Variants in VAV1 observed in about 807,000 individuals in gnomAD.
The protein encoded by VAV1 is vav guanine nucleotide exchange factor 1, also known as proto-oncogene vav.
Under a neutral mutation model 128.1 loss-of-function variants are expected in VAV1, and 33 were observed. The ratio of observed to expected loss-of-function variants is 0.26; its 90% CI spans 0.20 to 0.34. The LOEUF (loss-of-function observed/expected upper bound fraction) is 0.34, where lower values mean the gene tolerates loss of function less well. VAV1 is among the 10% of genes least tolerant of loss of function. VAV1 has a pLI of 1.00. For synonymous variants in VAV1, 394 were observed against 409.8 expected (o/e 0.96, Z 0.47); for missense variants, 715 against 1,093.7 (o/e 0.65, Z 4.88).
At position 6,777,638 on chromosome 19, in the gene VAV1, T is replaced by C. The variant is rs936109788; in HGVS notation, c.204+4627T>C. On this transcript the variant is annotated intron_variant, in intron 1 of 26. Coordinates refer to ENST00000602142, the MANE Select transcript of VAV1 (RefSeq NM_005428.4). This position sits in a 1 kb window ranked among gnomAD's most constrained non-coding sequence, Gnocchi z 4.4. ...CCTGAGGTAGGAGCCAGTCAGTGCC[T>C]GTATGTTCAGGGCAGTGACTGGCCC... 1.4e-4 allele frequency among the ~76,000 whole-genome samples: 21 copies of C among 152,060 alleles called. No individual in the cohort carries two copies. Among genetic ancestry groups the C allele is most frequent in the African/African-American group, 4.8e-4 (20 of 41,394 alleles).
chr19:6,852,972 TGGA>T lies in VAV1; in HGVS notation c.2227_2229del (p.Glu743del). On this transcript the variant is annotated inframe_deletion, in exon 25 of 27. Transcript: ENST00000602142. ...ATGTGGTCCGCCTTCTAGGAGCTGG[TGGA>T]GTTTTACCAGCAGAACTCTCTAAAG... 1 of 1,609,102 alleles carries T rather than the reference TGGA, an allele frequency of 6.2e-7. No homozygotes were observed. Among genetic ancestry groups the T allele is most frequent in the Non-Finnish European group, 8.5e-7 (1 of 1,176,840 alleles).
Position 6,848,118 on chromosome 19 carries a change from A to C in VAV1, c.2129+4A>C. ...CAGAATTTGCCATCAGCATTAAGTA[A>C]CTCCTTTCTCCCTGACTCATACCCT... On this transcript the variant is annotated splice_donor_region_variant and intron_variant, in intron 23 of 26. Coordinates refer to ENST00000602142, the MANE Select transcript of VAV1 (RefSeq NM_005428.4). 1 of 1,542,606 alleles carries C rather than the reference A, an allele frequency of 6.5e-7. No homozygotes were observed. The highest frequency in any genetic ancestry group is 2.6e-5 in the East Asian group (1 of 38,114).
intron 1 of VAV1, among the ~76,000 whole-genome samples, chr19:6,809,575 A>G (rs1971471920): frequency 3.9e-5 from 6 of 152,184 alleles, no homozygotes. Flanking sequence ...TAGAGTCATC[A>G]GAGAAGTCAG....
At chr19:6,839,295 C>A (rs780827407) in intron 21 of VAV1, among the ~76,000 whole-genome samples, 1 of 151,734 alleles carries the variant, frequency 6.6e-6, no homozygotes, top group Non-Finnish European at 1.5e-5. Flanking sequence ...CTCAAGCAAT[C>A]CTCTCATAGA....
At chr19:6,847,941 A>G (rs1972564633) in intron 22 of VAV1, 57 bp from the exon 23 acceptor site, 1 of 1,416,242 alleles carries the variant, frequency 7.1e-7, no homozygotes, top group South Asian at 1.6e-5. Flanking sequence ...CCATATGGCA[A>G]TATGGGGACC....
intron 1 of VAV1, among the ~76,000 whole-genome samples, chr19:6,781,547 T>G (rs560071057): frequency 1.3e-5 from 2 of 152,284 alleles, no homozygotes; most frequent in Admixed American, 1.3e-4. Flanking sequence ...ATACAATCTC[T>G]GTTCATATCA....
At position 6,828,090 on chromosome 19, in the gene VAV1, A is replaced by G. The variant is rs148244465; in HGVS notation, c.942A>G (p.Arg314=). The G allele has an allele frequency of 3.5e-5, 56 of 1,614,124 alleles. No individual in the cohort carries two copies. In the African/African-American group the frequency reaches 7.3e-4, roughly 21 times the overall value. Residue 314 remains arginine, a synonymous_variant, in exon 10 of 27, where the codon AGA becomes AGG. Coordinates refer to ENST00000602142, the MANE Select transcript of VAV1 (RefSeq NM_005428.4). The surrounding 1 kb of genome is among the most constrained non-coding windows in gnomAD (Gnocchi z 4.5). ...TGATTCCCCAGGAATGTTCTCAGAG[A>G]GCCAACAACGGGAGGTTCACCCTGC... ...VQMKLEECSQ[R]ANNGRFTLRD...
chr19:6,790,654 A>G lies in VAV1; in HGVS notation c.204+17643A>G, dbSNP rs76020895. ...GGTGTTAGCAAGTTTTATTGAAGCA[A>G]CCATGCAGAGCAGCAGCAGAGGTAC... is the stretch of plus-strand genomic sequence containing the variant. On this transcript the variant is annotated intron_variant, in intron 1 of 26. Transcript: ENST00000602142. Among the ~76,000 whole-genome samples the G allele has an allele frequency of 8.1e-3, 1,240 of 152,282 alleles. 16 individuals are homozygous for G. Among genetic ancestry groups the G allele is most frequent in the African/African-American group, 0.027 (1,135 of 41,550 alleles).
chr19:6,832,001 C>T, intron 14 of VAV1, 90 bp from the exon 15 acceptor site: 1 of 1,058,204 alleles, frequency 9.4e-7, no homozygotes, highest in Non-Finnish European at 1.4e-6. Context: ...CATGGGCTTG[C>T]CTGTTCCCTA....
chr19:6,783,470 C>CTTTTTTTTTT (rs61101390), intron 1 of VAV1, among the ~76,000 whole-genome samples: 2 of 113,832 alleles, frequency 1.8e-5, no homozygotes, highest in Non-Finnish European at 3.5e-5. Flanking sequence ...CACCTCCATC[C>CTTTTTTTTTT]TTTTTTTTTT....
At chr19:6,806,929 T>C (rs1288561685) in intron 1 of VAV1, among the ~76,000 whole-genome samples, 6 of 152,368 alleles carry the variant, frequency 3.9e-5, no homozygotes, top group Admixed American at 3.9e-4. Context: ...TTGTTTCTGC[T>C]CTCATGGTGA....
intron 15 of VAV1, among the ~76,000 whole-genome samples, chr19:6,832,948 C>T (rs1485583310): frequency 6.6e-6 from 1 of 152,170 alleles, no homozygotes; most frequent in Non-Finnish European, 1.5e-5. Context: ...TAAGCATTCA[C>T]TCCCAATTCC....
chr19:6,779,704 G>T (rs56713924), intron 1 of VAV1, among the ~76,000 whole-genome samples: 2 of 148,950 alleles, frequency 1.3e-5, no homozygotes, highest in Admixed American at 1.3e-4. Flanking sequence ...CTATAAAAAT[G>T]AAAAATAAAA....
intron 9 of VAV1, chr19:6,827,217 T>G (rs1454130965): frequency 6.2e-6 from 1 of 162,548 alleles, no homozygotes; most frequent in South Asian, 1.7e-4. Flanking sequence ...TGGACCTCTA[T>G]CCCAGGCAGC....
chr19:6,833,220 G>A lies in VAV1; in HGVS notation c.1545G>A (p.Gly515=), dbSNP rs142309869. The part of the protein sequence containing the change: ...NIYPENATAN[G]HDFQMFSFEE... ...ATCCGGAGAATGCCACCGCCAACGG[G>A]CATGACTTCCAGATGTTCTCCTTTG... The change falls in exon 16 of 27, where the codon GGG becomes GGA. Residue 515 remains glycine, a synonymous_variant. Transcript: ENST00000602142. The A allele has an allele frequency of 1.4e-4, 225 of 1,613,360 alleles. No homozygotes were observed. The East Asian group carries it at 3.3e-3, about 23-fold the overall frequency.
chr19:6,800,923 A>T (rs1449912429), intron 1 of VAV1, among the ~76,000 whole-genome samples: 1 of 152,106 alleles, frequency 6.6e-6, no homozygotes, highest in East Asian at 1.9e-4. Context: ...CACCGCACCC[A>T]GCCGCTCACC....
At chr19:6,837,131 C>A (rs1001808875) in intron 21 of VAV1, 81 bp downstream of exon 21, 8 of 1,462,316 alleles carry the variant, frequency 5.5e-6, no homozygotes, top group Non-Finnish European at 7.6e-6. Flanking sequence ...TGGAAAGACA[C>A]CCCCGGAGTT....
At chr19:6,807,364 C>A (rs1029922264) in intron 1 of VAV1, among the ~76,000 whole-genome samples, 1 of 151,866 alleles carries the variant, frequency 6.6e-6, no homozygotes, top group African/African-American at 2.4e-5. Context: ...CGATAAGGAG[C>A]GCACAAGGTA....
At chr19:6,846,587 A>G (rs945005497) in intron 22 of VAV1, among the ~76,000 whole-genome samples, 1 of 149,638 alleles carries the variant, frequency 6.7e-6, no homozygotes, top group African/African-American at 2.4e-5. Flanking sequence ...ATATATAATT[A>G]TGTATTACAT....
Sources: allele counts gnomAD v4.1 joint callset (sites outside exome capture counted in the v4.1 genomes callset), GRCh38; gene constraint gnomAD v4.1.1; non-coding constraint Gnocchi (gnomAD v3.1); transcripts MANE v1.5; gene names NCBI Gene and HGNC (gene_info 2026-07-23, HGNC 2026-07-21).